NELL2: variants seen among roughly 807,000 people sequenced by gnomAD.
NELL2 encodes the protein protein kinase C-binding protein NELL2.
Under a neutral mutation model 109.6 loss-of-function variants are expected in NELL2, and 41 were observed. That is an observed-to-expected ratio of 0.37 (90% CI 0.29 to 0.49). The LOEUF is 0.49. NELL2 is among the 20% of genes least tolerant of loss of function. The pLI is 0.98. For synonymous variants in NELL2, 355 were observed against 344.7 expected (o/e 1.03, Z -0.33); for missense variants, 900 against 1,008.3 (o/e 0.89, Z 1.45).
Position 44,540,369 on chromosome 12 carries a change from G to T in NELL2, c.1664-7648C>A, listed in dbSNP as rs964681175. Among the ~76,000 whole-genome samples the T allele has an allele frequency of 9.9e-5, 15 of 152,090 alleles. 1 individual carries two copies. Among genetic ancestry groups the T allele is most frequent in the African/African-American group, 3.1e-4 (13 of 41,404 alleles). ...AAGTGGTAGAGATAGAACAAAAGGA[G>T]CCAAAGATTAGAGTCTTTATGTGAT... On this transcript the variant is annotated intron_variant, in intron 15 of 19. Coordinates refer to ENST00000429094, the MANE Select transcript of NELL2 (RefSeq NM_001145108.2).
chr12:44,829,806 A>T (rs1442885348), intron 2 of NELL2, among the ~76,000 whole-genome samples: 1 of 152,074 alleles, frequency 6.6e-6, no homozygotes, highest in East Asian at 1.9e-4. Context: ...TTTCTTAAAC[A>T]CACATATACT....
At chr12:44,585,237 A>G (rs1944450174) in intron 15 of NELL2, among the ~76,000 whole-genome samples, 3 of 152,224 alleles carry the variant, frequency 2.0e-5, no homozygotes, top group African/African-American at 4.8e-5. Context: ...TGCACAAAAA[A>G]TATACATATG....
At chr12:44,733,871 T>C (rs1429228651) in intron 9 of NELL2, among the ~76,000 whole-genome samples, 3 of 152,032 alleles carry the variant, frequency 2.0e-5, no homozygotes, top group Non-Finnish European at 2.9e-5. Context: ...TCATACAGCA[T>C]ACTCTGTATA....
chr12:44,534,472 C>T (rs1329732565), intron 15 of NELL2, among the ~76,000 whole-genome samples: 2 of 152,124 alleles, frequency 1.3e-5, no homozygotes, highest in Non-Finnish European at 2.9e-5. Flanking sequence ...TAACCACTGA[C>T]TTCTGACACA....
intron 2 of NELL2, among the ~76,000 whole-genome samples, chr12:44,838,495 A>G (rs1469578587): frequency 6.6e-6 from 1 of 152,180 alleles, no homozygotes; most frequent in Non-Finnish European, 1.5e-5. Flanking sequence ...ATTTAACCTC[A>G]CTGGGCCCTG....
intron 1 of NELL2, among the ~76,000 whole-genome samples, chr12:44,887,412 T>C (rs904350414): frequency 6.6e-6 from 1 of 152,030 alleles, no homozygotes; most frequent in African/African-American, 2.4e-5. Context: ...TTCCCCTTTC[T>C]CCATATCCTC....
At chr12:44,694,404 T>C (rs1423302786) in intron 12 of NELL2, among the ~76,000 whole-genome samples, 2 of 152,040 alleles carry the variant, frequency 1.3e-5, no homozygotes, top group Admixed American at 1.3e-4. Context: ...CTGGCTCTCC[T>C]GAGTCTCCAG....
intron 3 of NELL2, among the ~76,000 whole-genome samples, chr12:44,802,831 A>C (rs1358695160): frequency 1.3e-5 from 2 of 152,106 alleles, no homozygotes; most frequent in Non-Finnish European, 2.9e-5. Flanking sequence ...TATCCATGTC[A>C]CTAAGAAGCA....
At chr12:44,744,885 C>T (rs933667347) in intron 9 of NELL2, among the ~76,000 whole-genome samples, 1 of 152,178 alleles carries the variant, frequency 6.6e-6, no homozygotes, top group Non-Finnish European at 1.5e-5. Context: ...CAAAGAGGAG[C>T]TGGTACCATT....
chr12:44,774,680 G>A (rs767149501), intron 9 of NELL2, 67 bp downstream of exon 9: 1 of 1,273,248 alleles, frequency 7.9e-7, no homozygotes, highest in Non-Finnish European at 1.1e-6. Flanking sequence ...CCAATGATGG[G>A]TGAATACTTA....
chr12:44,902,251 C>T (rs184968758), intron 1 of NELL2, among the ~76,000 whole-genome samples: 1 of 152,066 alleles, frequency 6.6e-6, no homozygotes, highest in Admixed American at 6.6e-5. Context: ...TTCCTATACA[C>T]CAATAGTAGA....
chr12:44,876,366 G>C, upstream of NELL2: 1 of 1,222,876 alleles, frequency 8.2e-7, no homozygotes, highest in Non-Finnish European at 1.0e-6. Flanking sequence ...GGGGAGGGAG[G>C]GGCGGGCCGG....
At chr12:44,646,269 CA>C (rs1566080736) in intron 13 of NELL2, among the ~76,000 whole-genome samples, 2 of 152,106 alleles carry the variant, frequency 1.3e-5, no homozygotes, top group African/African-American at 4.8e-5. Flanking sequence ...GAGAGTTAAG[CA>C]ACTTCCAAAA....
intron 19 of NELL2, among the ~76,000 whole-genome samples, chr12:44,517,690 A>G (rs1005968978): frequency 1.3e-5 from 2 of 152,086 alleles, no homozygotes; most frequent in African/African-American, 2.4e-5. Context: ...TTAATTAATT[A>G]AAATTTAAAT....
intron 11 of NELL2, among the ~76,000 whole-genome samples, chr12:44,705,958 A>G (rs1937854674): frequency 6.6e-6 from 1 of 152,108 alleles, no homozygotes; most frequent in Non-Finnish European, 1.5e-5. Context: ...ACTCTGCCCA[A>G]TATTATCTAT....
chr12:44,579,901 G>A (rs1348552619), intron 15 of NELL2, among the ~76,000 whole-genome samples: 2 of 152,158 alleles, frequency 1.3e-5, no homozygotes, highest in Non-Finnish European at 2.9e-5. Context: ...CTTTCTGAGA[G>A]AGTGCATCAA....
At chr12:44,807,862 G>C (rs915689841) in intron 3 of NELL2, among the ~76,000 whole-genome samples, 1 of 152,008 alleles carries the variant, frequency 6.6e-6, no homozygotes, top group East Asian at 1.9e-4. Context: ...AACACAGTTT[G>C]CTTGCTCCTT....
At chr12:44,638,173 T>TAAGA (rs1360860832) in intron 13 of NELL2, among the ~76,000 whole-genome samples, 1 of 152,100 alleles carries the variant, frequency 6.6e-6, no homozygotes, top group Admixed American at 6.6e-5. Context: ...CATCCCTTCC[T>TAAGA]TCCTCTAGTC....
intron 9 of NELL2, among the ~76,000 whole-genome samples, chr12:44,757,873 G>A (rs1251773755): frequency 6.6e-6 from 1 of 152,136 alleles, no homozygotes; most frequent in Non-Finnish European, 1.5e-5. Flanking sequence ...TTTTGAACTG[G>A]AGTATGATGT....
Sources: gnomAD v4.1 joint callset for allele counts (sites outside exome capture counted in the v4.1 genomes callset) on GRCh38, gnomAD v4.1.1 for gene constraint, MANE v1.5 for transcripts, NCBI Gene and HGNC (gene_info 2026-07-23, HGNC 2026-07-21) for gene names.